Variants in AGO2 observed in about 807,000 individuals in gnomAD.
AGO2 encodes the protein argonaute RISC catalytic component 2, also known as protein argonaute-2.
In AGO2, 5 loss-of-function variants were observed where a neutral mutation model predicts 102.3. That is an observed-to-expected ratio of 0.05 (90% CI 0.03 to 0.10). AGO2 has a LOEUF of 0.10. Ranked by LOEUF, AGO2 falls within the 10% of genes least tolerant of loss-of-function variation. The probability of loss-of-function intolerance (pLI) is 1.00; values close to 1 mark genes in which losing one functional copy is unlikely to be tolerated. For synonymous variants in AGO2, 449 were observed against 473.1 expected, an observed-to-expected ratio of 0.95 and a Z score of 0.66; for missense variants, 541 against 1,183.7, an observed-to-expected ratio of 0.46 and a Z score of 7.97.
chr8:140,555,603 T>C (rs1032266252), intron 10 of AGO2: 1 of 309,690 alleles, frequency 3.2e-6, no homozygotes, highest in Non-Finnish European at 5.9e-6. Context: ...TGGGAAATAA[T>C]TCGACCCTCG....
At chr8:140,571,019 T>A (rs1183307563) in intron 3 of AGO2, among the ~76,000 whole-genome samples, 1 of 152,232 alleles carries the variant, frequency 6.6e-6, no homozygotes, top group Admixed American at 6.5e-5. Context: ...AAATGCAAAT[T>A]AAGCACAGAA....
rs536895983 is a variant in AGO2 at position 140,589,711 on chromosome 8, G to C, written c.23-4400C>G. On this transcript the variant is annotated intron_variant, in intron 1 of 18. Transcript: ENST00000220592. This position sits in a 1 kb window ranked among gnomAD's most constrained non-coding sequence, Gnocchi z 4.2. Reference sequence around the variant, plus strand: ...ACTTCTGTGCCATACCCTGGGCCAAGCCAGGTGCAGATATGGTCTCTGTGA... The same window carrying C: ...ACTTCTGTGCCATACCCTGGGCCAACCCAGGTGCAGATATGGTCTCTGTGA... Among the ~76,000 whole-genome samples, 2 of 152,272 alleles carry C rather than the reference G, an allele frequency of 1.3e-5. No individual in the cohort carries two copies. The highest frequency in any genetic ancestry group is 4.1e-4 in the South Asian group (2 of 4,822).
intron 8 of AGO2, among the ~76,000 whole-genome samples, chr8:140,556,544 G>A (rs181037358): frequency 1.3e-5 from 2 of 152,238 alleles, no homozygotes; most frequent in Admixed American, 6.5e-5. Flanking sequence ...CCCACCAGGT[G>A]AGCGGGGCTG....
At position 140,565,635 on chromosome 8, in the gene AGO2, C is replaced by G. The variant is rs138667421; in HGVS notation, c.337-3001G>C. Among the ~76,000 whole-genome samples, 1,135 of 145,238 alleles carry G rather than the reference C, an allele frequency of 7.8e-3. 10 individuals are homozygous for G. The highest frequency in any genetic ancestry group is 0.065 in the Middle Eastern group (18 of 278). On this transcript the variant is annotated intron_variant, in intron 3 of 18. Coordinates refer to ENST00000220592, the MANE Select transcript of AGO2 (RefSeq NM_012154.5). ...CAGCCCTGGGGATCAGAGTGAGACT[C>G]TGTCTCAAAAAAAAAAAAAGAAGAA...
At chr8:140,564,498 G>T (rs1199736712) in intron 3 of AGO2, among the ~76,000 whole-genome samples, 1 of 152,218 alleles carries the variant, frequency 6.6e-6, no homozygotes. Flanking sequence ...TTACCCCTGA[G>T]ATAGCAAGAC....
At chr8:140,566,591 C>T (rs2073287871) in intron 3 of AGO2, among the ~76,000 whole-genome samples, 1 of 151,400 alleles carries the variant, frequency 6.6e-6, no homozygotes, top group African/African-American at 2.4e-5. Context: ...ACTGGTTCCC[C>T]CCTTTACTTT....
chr8:140,581,361 A>C (rs2073553973), intron 2 of AGO2, among the ~76,000 whole-genome samples: 1 of 152,236 alleles, frequency 6.6e-6, no homozygotes. Flanking sequence ...CTAAAAATGC[A>C]AAATTAGCCG....
At chr8:140,541,582 T>G in intron 14 of AGO2, 1 of 485,614 alleles carries the variant, frequency 2.1e-6, no homozygotes, top group African/African-American at 2.1e-5. Context: ...TTTGCCAAGT[T>G]ACATAGTTTA....
chr8:140,594,359 A>G lies in AGO2; in HGVS notation c.23-9048T>C, dbSNP rs1370256659. ...GTAAATAGATAGTATTTTTAAATGGAACAAAAATATCCACAGAAATATTTT... is the reference window on the plus strand; with the variant it reads ...GTAAATAGATAGTATTTTTAAATGGGACAAAAATATCCACAGAAATATTTT... On this transcript the variant is annotated intron_variant, in intron 1 of 18. Transcript: ENST00000220592. Among the ~76,000 whole-genome samples the G allele has an allele frequency of 2.6e-5, 4 of 152,374 alleles. No homozygotes were observed. In the East Asian group the frequency reaches 7.7e-4, roughly 29 times the overall value.
At chr8:140,631,004 T>C (rs2074334355) in intron 1 of AGO2, among the ~76,000 whole-genome samples, 1 of 152,072 alleles carries the variant, frequency 6.6e-6, no homozygotes, top group African/African-American at 2.4e-5. Flanking sequence ...CAGTGAGCCA[T>C]GACTGTGTAA....
In AGO2 at chr8:140,541,279, T is replaced by C. The variant is rs377696486; in HGVS notation, c.1919A>G (p.Gln640Arg). The C allele has an allele frequency of 6.2e-7, 1 of 1,613,530 alleles. No individual in the cohort carries two copies. Among genetic ancestry groups the C allele is most frequent in the African/African-American group, 1.3e-5 (1 of 74,926 alleles). Residue 640 changes from glutamine to arginine, a missense_variant, in exon 15 of 19, where the codon CAA becomes CGA. Coordinates refer to ENST00000220592, the MANE Select transcript of AGO2 (RefSeq NM_012154.5). ...CTCGCGGACCATGGCGGCCAGGTCTTGTATGATCTCCTGCCGGTGCTGCTG... is the reference window on the plus strand; with the variant it reads ...CTCGCGGACCATGGCGGCCAGGTCTCGTATGATCTCCTGCCGGTGCTGCTG... Reference protein sequence around the residue: ...RVQQHRQEIIQDLAAMVRELL... With the variant: ...RVQQHRQEIIRDLAAMVRELL...
At chr8:140,558,419 G>A in intron 7 of AGO2, 66 bp downstream of exon 7, 1 of 1,504,830 alleles carries the variant, frequency 6.6e-7, no homozygotes, top group East Asian at 2.3e-5. Context: ...CATGGCTCCA[G>A]AGTGTGCCCG....
intron 1 of AGO2, among the ~76,000 whole-genome samples, chr8:140,602,648 C>T (rs2073948072): frequency 6.6e-6 from 1 of 152,158 alleles, no homozygotes; most frequent in Non-Finnish European, 1.5e-5. Flanking sequence ...ATTCCCCGCA[C>T]TTGGAATGAA....
upstream of AGO2, chr8:140,636,711 C>T (rs1297498285): frequency 2.0e-5 from 3 of 152,222 alleles, no homozygotes; most frequent in Admixed American, 1.3e-4. Flanking sequence ...ACCAGCACTT[C>T]CTCCGAAAAC....
intron 1 of AGO2, chr8:140,626,627 G>A (rs2152109710): frequency 6.6e-6 from 1 of 152,400 alleles, no homozygotes; most frequent in East Asian, 1.9e-4. Flanking sequence ...CACGTGGCCA[G>A]GATTCCAGTG....
chr8:140,562,741 G>A (rs954917875), intron 3 of AGO2, 107 bp from the exon 4 acceptor site: 73 of 1,342,004 alleles, frequency 5.4e-5, no homozygotes, highest in South Asian at 3.4e-4. Context: ...GGAAGTCCCC[G>A]CCCAGGCCTC....
At chr8:140,614,982 T>C (rs574231053) in intron 1 of AGO2, among the ~76,000 whole-genome samples, 1 of 152,336 alleles carries the variant, frequency 6.6e-6, no homozygotes, top group South Asian at 2.1e-4. Context: ...CTGGGACCAC[T>C]CCCTGCCAAC....
At chr8:140,551,530 C>A in intron 10 of AGO2, 94 bp from the exon 11 acceptor site, 1 of 1,329,050 alleles carries the variant, frequency 7.5e-7, no homozygotes, top group South Asian at 2.0e-5. Flanking sequence ...TCCCCCTGAC[C>A]AACAACTGCT....
chr8:140,604,217 C>CGTGCT (rs1564111935), intron 1 of AGO2, among the ~76,000 whole-genome samples: 1 of 152,194 alleles, frequency 6.6e-6, no homozygotes, highest in African/African-American at 2.4e-5. Context: ...ATGAGTGCAG[C>CGTGCT]GTGCTGTGTA....
Sources: gnomAD v4.1 joint callset for allele counts (sites outside exome capture counted in the v4.1 genomes callset) on GRCh38, gnomAD v4.1.1 for gene constraint, Gnocchi (gnomAD v3.1) non-coding constraint, MANE v1.5 for transcripts, NCBI Gene and HGNC (gene_info 2026-07-23, HGNC 2026-07-21) for gene names.